The following SERPINA11 variants were observed in gnomAD, a reference collection of about 807,000 sequenced individuals.
SERPINA11 encodes the protein serpin A11.
Under a neutral mutation model 29.4 loss-of-function variants are expected in SERPINA11, and 28 were observed. The ratio of observed to expected loss-of-function variants is 0.95; its 90% CI spans 0.70 to 1.30. The LOEUF is 1.30. Among genes scored for constraint, SERPINA11 ranks in the 50% most tolerant of loss-of-function variants. SERPINA11 has a pLI of 0.00. For synonymous variants in SERPINA11, 253 were observed against 206.6 expected (o/e 1.22, Z -1.92); for missense variants, 530 against 507.3 (o/e 1.04, Z -0.43).
In SERPINA11 at chr14:94,449,503, C is replaced by T. The variant is rs1201935831; in HGVS notation, c.-3-726G>A. Among the ~76,000 whole-genome samples the T allele has an allele frequency of 9.6e-4, 122 of 127,000 alleles. 8 individuals carry two copies. Among genetic ancestry groups the T allele is most frequent in the African/African-American group, 4.0e-3 (112 of 28,214 alleles). 83.3% of individuals were successfully genotyped at this position (127,000 alleles called of 152,430 possible). ...TTTCTGTCTGTCTGTCTTTCTTTCT[C>T]TTTCTTTTTCTTTCTTTCTTTCTTT... is the stretch of plus-strand genomic sequence containing the variant. On this transcript the variant is annotated intron_variant, in intron 1 of 4. Transcript: ENST00000334708.
intron 1 of SERPINA11, 134 bp from the exon 2 acceptor site, chr14:94,448,911 T>A (rs749879820): frequency 2.3e-5 from 17 of 732,620 alleles, no homozygotes; most frequent in Non-Finnish European, 3.4e-5. Context: ...AAGACAAGGC[T>A]GTGGATGATT....
chr14:94,448,814 T>C, intron 1 of SERPINA11, 37 bp from the exon 2 acceptor site: 1 of 1,493,160 alleles, frequency 6.7e-7, no homozygotes, highest in Non-Finnish European at 8.9e-7. Context: ...CTTTTCTCCA[T>C]AAATAATGTC....
At chr14:94,443,033 T>A in intron 4 of SERPINA11, 45 bp downstream of exon 4, 1 of 1,575,340 alleles carries the variant, frequency 6.3e-7, no homozygotes, top group African/African-American at 1.4e-5. Flanking sequence ...AGAAACCTCC[T>A]ACCTACCCCC....
At chr14:94,446,750 T>G in intron 2 of SERPINA11, 146 bp from the exon 3 acceptor site, 1 of 750,796 alleles carries the variant, frequency 1.3e-6, no homozygotes, top group Non-Finnish European at 2.2e-6. Flanking sequence ...GACCAGAATT[T>G]AGGCCTGGCT....
At chr14:94,450,163 C>T (rs1443048261) in intron 1 of SERPINA11, among the ~76,000 whole-genome samples, 2 of 152,082 alleles carry the variant, frequency 1.3e-5, no homozygotes, top group African/African-American at 4.8e-5. Flanking sequence ...GAGGCTGAAA[C>T]CTCTCTATTT....
At position 94,448,754 on chromosome 14, in the gene SERPINA11, C is replaced by T. The variant is rs1295922523; in HGVS notation, c.21G>A (p.Trp7Ter). The change falls in exon 2 of 5, where the codon TGG (tryptophan) becomes TGA (stop). Residue 7 changes from tryptophan (W) to a stop codon, truncating the protein, a stop_gained. Transcript: ENST00000334708. LOFTEE classifies it high-confidence loss of function. ...AGGCCAGGATCCCTGTTCCCAGTAG[C>T]CAAAGCCAAGCTGGACCCATTCTCT... Reference protein sequence around the residue: MGPAWLWLLGTGILASV... With the variant: MGPAWL 1 of 1,511,832 alleles carries T rather than the reference C, an allele frequency of 6.6e-7. No homozygotes were observed. Among genetic ancestry groups the T allele is most frequent in the Non-Finnish European group, 8.8e-7 (1 of 1,131,378 alleles). 93.7% of individuals were successfully genotyped at this position (1,511,832 alleles called of 1,614,324 possible).
intron 1 of SERPINA11, among the ~76,000 whole-genome samples, chr14:94,449,450 TTTCTTTC>T (rs1898532747): frequency 8.7e-6 from 1 of 114,768 alleles, no homozygotes; most frequent in African/African-American, 4.9e-5. Flanking sequence ...TCTTTCTTTC[TTTCTTTC>T]TTTCTTTCTT....
intron 1 of SERPINA11, among the ~76,000 whole-genome samples, chr14:94,449,626 A>G (rs1338977783): frequency 7.4e-6 from 1 of 134,868 alleles, no homozygotes; most frequent in Non-Finnish European, 1.5e-5. Flanking sequence ...TCTTCTCTCC[A>G]GTCATTCTTT....
At chr14:94,448,917 T>G (rs1434021316) in intron 1 of SERPINA11, 140 bp from the exon 2 acceptor site, 1 of 693,184 alleles carries the variant, frequency 1.4e-6, no homozygotes, top group Non-Finnish European at 2.2e-6. Flanking sequence ...AGGCTGTGGA[T>G]GATTAGGATT....
intron 3 of SERPINA11, 45 bp downstream of exon 3, chr14:94,446,286 G>T: frequency 6.4e-7 from 1 of 1,570,576 alleles, no homozygotes; most frequent in Non-Finnish European, 8.7e-7. Context: ...ACCTGCTGGG[G>T]TTCTTGAGCA....
At chr14:94,443,703 A>ATC (rs1898385131) in intron 3 of SERPINA11, among the ~76,000 whole-genome samples, 1 of 152,088 alleles carries the variant, frequency 6.6e-6, no homozygotes, top group Admixed American at 6.6e-5. Flanking sequence ...TCTCTCACCC[A>ATC]TCTCCACTTC....
intron 2 of SERPINA11, 30 bp from the exon 3 acceptor site, chr14:94,446,634 G>C (rs1339849326): frequency 6.3e-7 from 1 of 1,592,346 alleles, no homozygotes; most frequent in South Asian, 1.2e-5. Context: ...AAGGCCATGA[G>C]AACTCTTTTC....
At chr14:94,444,801 G>A (rs552007732) in intron 3 of SERPINA11, among the ~76,000 whole-genome samples, 82 of 152,242 alleles carry the variant, frequency 5.4e-4, no homozygotes, top group African/African-American at 1.9e-3. Context: ...CCAGGTTGTG[G>A]TGGATTCAAG....
At chr14:94,449,465 C>CTTTCTTTCTTTCTTTCTTTCT (rs1898536431) in intron 1 of SERPINA11, among the ~76,000 whole-genome samples, 2 of 110,598 alleles carry the variant, frequency 1.8e-5, no homozygotes, top group African/African-American at 1.1e-4. Context: ...TTCTTTCTTT[C>CTTTCTTTCTTTCTTTCTTTCT]TTTCTTTCTT....
At chr14:94,450,415 T>C (rs757562935) in intron 1 of SERPINA11, among the ~76,000 whole-genome samples, 2 of 152,064 alleles carry the variant, frequency 1.3e-5, no homozygotes, top group Non-Finnish European at 2.9e-5. Flanking sequence ...GAGAATGCCA[T>C]GTGAAGATGA....
intron 2 of SERPINA11, among the ~76,000 whole-genome samples, chr14:94,447,070 C>A (rs1898456948): frequency 6.6e-6 from 1 of 152,198 alleles, no homozygotes; most frequent in South Asian, 2.1e-4. Context: ...ACCAAACTGC[C>A]TCTAGACAAC....
At chr14:94,444,590 T>C (rs1229715104) in intron 3 of SERPINA11, among the ~76,000 whole-genome samples, 1 of 152,092 alleles carries the variant, frequency 6.6e-6, no homozygotes, top group Non-Finnish European at 1.5e-5. Context: ...GGGGCTGAAA[T>C]TAGCAACTGA....
At position 94,448,731 on chromosome 14, in the gene SERPINA11, G is replaced by T. The variant is rs751188872; in HGVS notation, c.44C>A (p.Ala15Asp). Residue 15 changes from alanine (A) to aspartate (D), a missense_variant, in exon 2 of 5, where the codon GCC becomes GAC. Ala to Asp is a moderately radical substitution (Grantham distance 126). Coordinates refer to ENST00000334708, the MANE Select transcript of SERPINA11 (RefSeq NM_001080451.2). ...AAGAAGGGGCTGACAGTGGACAGAG[G>T]CCAGGATCCCTGTTCCCAGTAGCCA... ...WLWLLGTGIL[A>D]SVHCQPLLAH... 4 of 1,518,400 alleles carry T rather than the reference G, an allele frequency of 2.6e-6. No homozygotes were observed. The highest frequency in any genetic ancestry group is 3.5e-6 in the Non-Finnish European group (4 of 1,134,840). 94.1% of individuals were successfully genotyped at this position (1,518,400 alleles called of 1,614,324 possible).
At chr14:94,448,007 G>A in intron 2 of SERPINA11, 125 bp downstream of exon 2, 2 of 946,022 alleles carry the variant, frequency 2.1e-6, no homozygotes, top group Admixed American at 2.2e-5. Context: ...CGCAAGGGTG[G>A]GAAAGCTCTA....
Sources: gnomAD v4.1 joint callset for allele counts (sites outside exome capture counted in the v4.1 genomes callset) on GRCh38, gnomAD v4.1.1 for gene constraint, MANE v1.5 for transcripts, NCBI Gene and HGNC (gene_info 2026-07-23, HGNC 2026-07-21) for gene names.